Variants in STK32B observed in about 807,000 individuals in gnomAD.
STK32B encodes the protein serine/threonine-protein kinase 32B.
STK32B carries 43 observed loss-of-function variants against 52.6 expected under a neutral mutation model. That is an observed-to-expected ratio of 0.82 (90% CI 0.64 to 1.05). STK32B has a LOEUF of 1.05. Ranked by LOEUF, STK32B falls within the 50% of genes least tolerant of loss-of-function variation. STK32B has a pLI of 0.00. For missense variants in STK32B, 621 were observed against 534.6 expected (o/e 1.16, Z -1.59); for synonymous variants, 238 against 204.3 (o/e 1.17, Z -1.41).
chr4:5,228,471 C>T (rs1339223035), intron 3 of STK32B, among the ~76,000 whole-genome samples: 1 of 152,168 alleles, frequency 6.6e-6, no homozygotes, highest in Non-Finnish European at 1.5e-5. Context: ...GATAGCTTAT[C>T]CTGAATATGC....
intron 6 of STK32B, among the ~76,000 whole-genome samples, chr4:5,426,549 T>C (rs1490790160): frequency 6.6e-6 from 1 of 151,452 alleles, no homozygotes; most frequent in East Asian, 1.9e-4. Context: ...TACTAAAAAA[T>C]ACAAAAAATT....
intron 3 of STK32B, among the ~76,000 whole-genome samples, chr4:5,211,332 G>C (rs915499124): frequency 3.9e-5 from 6 of 152,190 alleles, no homozygotes; most frequent in Non-Finnish European, 8.8e-5. Flanking sequence ...TAATGGAAAA[G>C]ATTTGTAATT....
chr4:5,112,745 A>G (rs1274752668), intron 1 of STK32B, among the ~76,000 whole-genome samples: 1 of 152,210 alleles, frequency 6.6e-6, no homozygotes, highest in Non-Finnish European at 1.5e-5. Flanking sequence ...CTGTGGAGGA[A>G]AAATCTAAGC....
chr4:5,103,948 A>G (rs1240132436), intron 1 of STK32B, among the ~76,000 whole-genome samples: 1 of 152,084 alleles, frequency 6.6e-6, no homozygotes, highest in East Asian at 1.9e-4. Context: ...ATTCTTGCCT[A>G]TTTTTTTCTA....
At chr4:5,465,233 G>T (rs551397467) in intron 9 of STK32B, among the ~76,000 whole-genome samples, 1 of 152,276 alleles carries the variant, frequency 6.6e-6, no homozygotes, top group South Asian at 2.1e-4. Context: ...GTGTGGCAGG[G>T]GCTGGGCTAG....
chr4:5,471,667 G>A (rs1717864305), intron 11 of STK32B, among the ~76,000 whole-genome samples: 2 of 152,088 alleles, frequency 1.3e-5, no homozygotes, highest in African/African-American at 4.8e-5. Flanking sequence ...AGCTGAGAGA[G>A]TAAGCATGGG....
Position 5,304,582 on chromosome 4 carries a change from G to A in STK32B, c.261-26638G>A, listed in dbSNP as rs181935709. On this transcript the variant is annotated intron_variant, in intron 3 of 11. Coordinates refer to ENST00000282908, the MANE Select transcript of STK32B (RefSeq NM_018401.3). ...ATTTACCAGTTCTAGGAGCTTTTTC[G>A]ATGAGTCTTTAGGGTTTTCTAGGTA... is the stretch of plus-strand genomic sequence containing the variant. Among the ~76,000 whole-genome samples, 6 of 152,054 alleles carry A rather than the reference G, an allele frequency of 3.9e-5. No individual in the cohort carries two copies. In the East Asian group the frequency reaches 9.7e-4, roughly 25 times the overall value.
At chr4:5,031,316 G>C in the STK32B span, among the ~76,000 whole-genome samples, 3 of 152,124 alleles carry the variant, frequency 2.0e-5, no homozygotes, top group African/African-American at 7.2e-5. Context: ...TCACACTGTC[G>C]GACTCTGGGC....
In STK32B at chr4:5,071,886, C is replaced by A. The variant is rs192156538; in HGVS notation, c.52+19971C>A. On this transcript the variant is annotated intron_variant, in intron 1 of 11. Transcript: ENST00000282908. ...GTGATATGATGGGTAGGGAGAGAAA[C>A]AAAACTATAATTGAGAAACATTTTT... Among the ~76,000 whole-genome samples the A allele has an allele frequency of 6.7e-3, 1,025 of 152,140 alleles. 17 individuals carry two copies. The highest frequency in any genetic ancestry group is 0.023 in the African/African-American group (952 of 41,526).
chr4:5,047,786 G>A (rs73794736), upstream of STK32B, among the ~76,000 whole-genome samples: 1,872 of 152,238 alleles, frequency 0.012, 42 homozygotes, highest in African/African-American at 0.041. Context: ...GTTGAACAGT[G>A]GCCCCCAGTA....
chr4:5,119,407 C>T (rs1714908067), intron 1 of STK32B, among the ~76,000 whole-genome samples: 1 of 152,228 alleles, frequency 6.6e-6, no homozygotes, highest in Non-Finnish European at 1.5e-5. Context: ...GAACATTTGC[C>T]ATTTCCACAT....
At chr4:5,368,331 AAC>A in intron 4 of STK32B, among the ~76,000 whole-genome samples, 1 of 129,106 alleles carries the variant, frequency 7.7e-6, no homozygotes, top group Non-Finnish European at 1.8e-5. Flanking sequence ...TGCTTTCAGT[AAC>A]TCACTAATCC....
At chr4:5,219,878 C>G (rs932113023) in intron 3 of STK32B, among the ~76,000 whole-genome samples, 1 of 152,140 alleles carries the variant, frequency 6.6e-6, no homozygotes, top group African/African-American at 2.4e-5. Flanking sequence ...TGCTTTGGTG[C>G]AGGACTGGTA....
intron 5 of STK32B, among the ~76,000 whole-genome samples, chr4:5,403,495 C>T (rs1737452869): frequency 6.6e-6 from 1 of 152,328 alleles, no homozygotes; most frequent in East Asian, 1.9e-4. Context: ...TAGCCTGCGC[C>T]CTATTCTTGG....
In STK32B at chr4:5,400,367, C is replaced by G. The variant is rs548353797; in HGVS notation, c.472+2123C>G. On this transcript the variant is annotated intron_variant, in intron 5 of 11. Coordinates refer to ENST00000282908, the MANE Select transcript of STK32B (RefSeq NM_018401.3). This position sits in a 1 kb window ranked among gnomAD's most constrained non-coding sequence, Gnocchi z 6.1. The stretch of plus-strand genomic sequence containing the variant: ...CCCCACATTCTTTCTGCATCTCGTT[C>G]TGCCCCCTTGAGCTCCTCATCTTTT... 6.6e-6 allele frequency among the ~76,000 whole-genome samples: 1 copy of G among 152,290 alleles called. No individual in the cohort carries two copies. Among genetic ancestry groups the G allele is most frequent in the African/African-American group, 2.4e-5 (1 of 41,570 alleles).
chr4:5,354,546 G>T, intron 4 of STK32B, among the ~76,000 whole-genome samples: 1 of 152,192 alleles, frequency 6.6e-6, no homozygotes, highest in Admixed American at 6.5e-5. Context: ...GATTACAGGC[G>T]TGACCACCAC....
rs369445450 is a variant in STK32B at position 5,127,973 on chromosome 4, A to C, written c.53-11932A>C. Among the ~76,000 whole-genome samples the C allele has an allele frequency of 8.9e-4, 135 of 152,288 alleles. 2 individuals are homozygous for C. The South Asian group carries it at 0.026, about 29-fold the overall frequency. ...CATATAAGATGTGACTTTGCTCCTC[A>C]GTCACCTTCCACCATGATTGTGAGG... is the stretch of plus-strand genomic sequence containing the variant. On this transcript the variant is annotated intron_variant, in intron 1 of 11. Transcript: ENST00000282908.
In STK32B at chr4:5,446,771, G is replaced by A. The variant is rs775620532; in HGVS notation, c.661G>A (p.Gly221Ser). 5 of 1,613,900 alleles carry A rather than the reference G, an allele frequency of 3.1e-6. No individual in the cohort carries two copies. In the African/African-American group the frequency reaches 4.0e-5, roughly 13 times the overall value. Reference protein sequence around the residue: ...LGITAYELLRGWRPYEIHSVT... With the variant: ...LGITAYELLRSWRPYEIHSVT... The stretch of plus-strand genomic sequence containing the variant: ...CATCACAGCCTATGAGCTGCTGCGG[G>A]GCTGGGTAAGACAGGCACCTGTGCG... The change falls in exon 7 of 12, where the codon GGC becomes AGC. Residue 221 changes from glycine (G) to serine (S), a missense_variant. Transcript: ENST00000282908.
At chr4:5,159,854 A>G (rs1718297805) in intron 2 of STK32B, among the ~76,000 whole-genome samples, 1 of 151,344 alleles carries the variant, frequency 6.6e-6, no homozygotes, top group South Asian at 2.1e-4. Flanking sequence ...TGATTATGGA[A>G]GCTGCCAAAT....
Sources: gnomAD v4.1 joint callset for allele counts (sites outside exome capture counted in the v4.1 genomes callset) on GRCh38, gnomAD v4.1.1 for gene constraint, Gnocchi (gnomAD v3.1) non-coding constraint, MANE v1.5 for transcripts, NCBI Gene and HGNC (gene_info 2026-07-23, HGNC 2026-07-21) for gene names.